Variants in FRMD3 observed in about 807,000 individuals in gnomAD.
The protein encoded by FRMD3 is FERM domain containing 3, also known as FERM domain-containing protein 3.
In FRMD3, 33 loss-of-function variants were observed where a neutral mutation model predicts 70.2. The ratio of observed to expected loss-of-function variants is 0.47; its 90% CI spans 0.36 to 0.63. FRMD3 has a LOEUF of 0.63. Ranked by LOEUF, FRMD3 falls within the 20% of genes least tolerant of loss-of-function variation. FRMD3 has a pLI of 0.00. For missense variants in FRMD3, 632 were observed against 711.4 expected (o/e 0.89, Z 1.27); for synonymous variants, 279 against 255.9 (o/e 1.09, Z -0.86).
intron 1 of FRMD3, among the ~76,000 whole-genome samples, chr9:83,443,163 C>CT (rs1005706259): frequency 1.1e-4 from 16 of 151,998 alleles, no homozygotes; most frequent in African/African-American, 3.9e-4. Flanking sequence ...TTTTATTATA[C>CT]TTTAAGTTCT....
chr9:83,281,276 G>T (rs1395154178), intron 13 of FRMD3, among the ~76,000 whole-genome samples: 2 of 152,106 alleles, frequency 1.3e-5, no homozygotes, highest in Non-Finnish European at 2.9e-5. Flanking sequence ...GCAACAATAG[G>T]TTTAGTAATA....
chr9:83,409,471 G>A (rs72745046), intron 1 of FRMD3, among the ~76,000 whole-genome samples: 3,007 of 152,312 alleles, frequency 0.02, 43 homozygotes, highest in Non-Finnish European at 0.03. Flanking sequence ...CATCAGCACA[G>A]GGAAACCTTG....
At chr9:83,439,668 A>G (rs1827241422) in intron 1 of FRMD3, among the ~76,000 whole-genome samples, 1 of 152,230 alleles carries the variant, frequency 6.6e-6, no homozygotes, top group Admixed American at 6.5e-5. Context: ...GTTTGCAGAA[A>G]CATCCTGAAC....
At chr9:83,346,066 G>A (rs1385617608) in intron 4 of FRMD3, among the ~76,000 whole-genome samples, 1 of 152,072 alleles carries the variant, frequency 6.6e-6, no homozygotes, top group Non-Finnish European at 1.5e-5. Flanking sequence ...GAACAGCCTG[G>A]CCAACATGGC....
At position 83,248,362 on chromosome 9, in the gene FRMD3, A is replaced by G; in HGVS notation, c.1350T>C (p.Ser450=). 6.2e-7 allele frequency: 1 copy of G among 1,614,138 alleles called. No individual in the cohort carries two copies. The highest frequency in any genetic ancestry group is 8.5e-7 in the Non-Finnish European group (1 of 1,180,020). ...CCACAGGGGTGGGGAGCAGGCTGGC[A>G]CTTGGGTTGTACACTAGTTCAGAGA... The part of the protein sequence containing the change: ...LTISELVYNP[S]ASLLPTPVDD... Residue 450 remains serine, a synonymous_variant, in exon 14 of 14, where the codon AGT becomes AGC. Transcript: ENST00000304195.
At chr9:83,456,526 T>G (rs1029698077) in intron 1 of FRMD3, among the ~76,000 whole-genome samples, 4 of 152,170 alleles carry the variant, frequency 2.6e-5, no homozygotes, top group Non-Finnish European at 5.9e-5. Context: ...CACCAGACAT[T>G]TATAAAAGCA....
chr9:83,250,401 G>C (rs1832347616), intron 13 of FRMD3, among the ~76,000 whole-genome samples: 1 of 152,172 alleles, frequency 6.6e-6, no homozygotes, highest in Non-Finnish European at 1.5e-5. Flanking sequence ...CAGAGACCCA[G>C]GAGTTTTACA....
chr9:83,404,885 A>G (rs1328379231), intron 1 of FRMD3, among the ~76,000 whole-genome samples: 3 of 152,188 alleles, frequency 2.0e-5, no homozygotes, highest in Non-Finnish European at 4.4e-5. Flanking sequence ...TGTAAAGGTA[A>G]TGTGTTTCTT....
At chr9:83,414,394 T>A (rs1564065857) in intron 1 of FRMD3, among the ~76,000 whole-genome samples, 1 of 152,130 alleles carries the variant, frequency 6.6e-6, no homozygotes, top group African/African-American at 2.4e-5. Flanking sequence ...GAAGAAAATA[T>A]AAGAGTACAT....
chr9:83,482,303 C>T (rs926285219), intron 1 of FRMD3, among the ~76,000 whole-genome samples: 25 of 152,258 alleles, frequency 1.6e-4, no homozygotes, highest in African/African-American at 5.5e-4. Flanking sequence ...AAAATAATAA[C>T]GGGAAAAGAG....
chr9:83,345,662 C>A (rs1564026604), intron 4 of FRMD3, among the ~76,000 whole-genome samples: 1 of 152,086 alleles, frequency 6.6e-6, no homozygotes, highest in African/African-American at 2.4e-5. Flanking sequence ...GAGGCTGAGG[C>A]AGGAGAATCA....
chr9:83,284,781 G>C (rs1019059560), intron 13 of FRMD3, among the ~76,000 whole-genome samples: 1 of 152,178 alleles, frequency 6.6e-6, no homozygotes, highest in Admixed American at 6.5e-5. Context: ...ACTACAGAAA[G>C]GGAGAAAAGA....
chr9:83,323,573 C>T (rs957431320), intron 6 of FRMD3, among the ~76,000 whole-genome samples: 1 of 152,180 alleles, frequency 6.6e-6, no homozygotes, highest in Non-Finnish European at 1.5e-5. Context: ...TGCCTTGCAC[C>T]ACTTCAGGAC....
intron 13 of FRMD3, among the ~76,000 whole-genome samples, chr9:83,269,846 T>C (rs1035056252): frequency 6.6e-6 from 1 of 152,264 alleles, no homozygotes; most frequent in African/African-American, 2.4e-5. Context: ...GCTCTCACTC[T>C]TTACGCTACT....
At chr9:83,400,389 A>G (rs559467369) in intron 1 of FRMD3, among the ~76,000 whole-genome samples, 2 of 152,232 alleles carry the variant, frequency 1.3e-5, no homozygotes, top group Non-Finnish European at 2.9e-5. Flanking sequence ...TGGATGAAAG[A>G]AATAAAAGAT....
At chr9:83,479,555 G>T (rs1828485526) in intron 1 of FRMD3, among the ~76,000 whole-genome samples, 1 of 144,386 alleles carries the variant, frequency 6.9e-6, no homozygotes, top group African/African-American at 2.6e-5. Context: ...TCAGCCTGGG[G>T]GTTCGAGGCT....
chr9:83,451,320 A>G (rs994532891), intron 1 of FRMD3, among the ~76,000 whole-genome samples: 1 of 151,874 alleles, frequency 6.6e-6, no homozygotes, highest in African/African-American at 2.4e-5. Flanking sequence ...AAAGAAGAAG[A>G]GCAATAGATA....
intron 1 of FRMD3, among the ~76,000 whole-genome samples, chr9:83,529,391 T>C (rs1829749118): frequency 6.6e-6 from 1 of 152,136 alleles, no homozygotes; most frequent in African/African-American, 2.4e-5. Context: ...GTGATGAAAA[T>C]GTTCTGGAAT....
chr9:83,307,423 C>T (rs1382787210), intron 10 of FRMD3, among the ~76,000 whole-genome samples: 1 of 152,214 alleles, frequency 6.6e-6, no homozygotes, highest in Admixed American at 6.5e-5. Context: ...TGAGCATCAA[C>T]TGATGAATGG....
Sources: allele counts gnomAD v4.1 joint callset (sites outside exome capture counted in the v4.1 genomes callset), GRCh38; gene constraint gnomAD v4.1.1; transcripts MANE v1.5; gene names NCBI Gene and HGNC (gene_info 2026-07-23, HGNC 2026-07-21).